TRERF1: variants seen among roughly 807,000 people sequenced by gnomAD.
The protein encoded by TRERF1 is transcriptional regulating factor 1.
A neutral mutation model predicts 122.9 loss-of-function variants in TRERF1; 27 were observed. The observed-to-expected ratio is 0.22, with a 90% CI of 0.16 to 0.30. The LOEUF is 0.30. TRERF1 is among the 10% of genes least tolerant of loss of function. The probability of loss-of-function intolerance (pLI) is 1.00; values close to 1 mark genes in which losing one functional copy is unlikely to be tolerated. For missense variants in TRERF1, 1,248 were observed against 1,560.3 expected (o/e 0.80, Z 3.37); for synonymous variants, 636 against 641.7 (o/e 0.99, Z 0.13).
chr6:42,310,939 C>A (rs963307814), intron 3 of TRERF1, among the ~76,000 whole-genome samples: 2 of 152,126 alleles, frequency 1.3e-5, no homozygotes, highest in African/African-American at 4.8e-5. Context: ...TCCTTTTTGG[C>A]GTTGATGTTT....
At chr6:42,360,999 C>T (rs922366915) in intron 3 of TRERF1, among the ~76,000 whole-genome samples, 1 of 152,040 alleles carries the variant, frequency 6.6e-6, no homozygotes, top group Non-Finnish European at 1.5e-5. Context: ...AAATGGGAAA[C>T]GAGCTTCTAT....
chr6:42,333,574 G>A (rs1243921876), intron 3 of TRERF1, among the ~76,000 whole-genome samples: 2 of 152,238 alleles, frequency 1.3e-5, no homozygotes, highest in Non-Finnish European at 2.9e-5. Context: ...GCTTGGGCTT[G>A]GCCTGAGAAC....
chr6:42,259,768 C>T lies in TRERF1; in HGVS notation c.1885-45G>A, dbSNP rs200341234. The T allele has an allele frequency of 7.5e-6, 12 of 1,597,596 alleles. No individual in the cohort carries two copies. The highest frequency in any genetic ancestry group is 1.3e-5 in the African/African-American group (1 of 74,894). On this transcript the variant is annotated intron_variant, in intron 8 of 17. Coordinates refer to ENST00000372922, the Ensembl canonical transcript of TRERF1. The surrounding 1 kb of genome is among the most constrained non-coding windows in gnomAD (Gnocchi z 4.9). ...CTGATTCGAATACTTCAGCTTCCCC[C>T]GCAGGCCATTTCCACAGGTTCAGGG...
At chr6:42,316,048 G>C (rs1047911401) in intron 3 of TRERF1, among the ~76,000 whole-genome samples, 1 of 152,148 alleles carries the variant, frequency 6.6e-6, no homozygotes, top group African/African-American at 2.4e-5. Flanking sequence ...CTGCTCCACT[G>C]GGGGTGGGGG....
chr6:42,380,106 A>G (rs1424549755), intron 2 of TRERF1, among the ~76,000 whole-genome samples: 1 of 152,028 alleles, frequency 6.6e-6, no homozygotes, highest in Non-Finnish European at 1.5e-5. Flanking sequence ...ACCTGGGGGA[A>G]GATATTCCAG....
intron 3 of TRERF1, among the ~76,000 whole-genome samples, chr6:42,342,115 C>T (rs1285829897): frequency 6.6e-6 from 1 of 152,274 alleles, no homozygotes; most frequent in Non-Finnish European, 1.5e-5. Context: ...CCCCTGAGGG[C>T]AGAGGCCCAT....
chr6:42,311,238 G>C (rs1355420238), intron 3 of TRERF1, among the ~76,000 whole-genome samples: 3 of 152,186 alleles, frequency 2.0e-5, no homozygotes, highest in Non-Finnish European at 4.4e-5. Context: ...AAATAAAGCA[G>C]GGTAAGGGTC....
At chr6:42,317,377 CAG>C (rs1394797810) in intron 3 of TRERF1, among the ~76,000 whole-genome samples, 1 of 151,698 alleles carries the variant, frequency 6.6e-6, no homozygotes, top group South Asian at 2.1e-4. Context: ...TGTTTTGAGA[CAG>C]AGTCTTGCTC....
chr6:42,267,424 T>C (rs1779408021), intron 5 of TRERF1, among the ~76,000 whole-genome samples: 1 of 152,134 alleles, frequency 6.6e-6, no homozygotes, highest in African/African-American at 2.4e-5. Context: ...AGGTCGGAGT[T>C]TGAGACCAGC....
intron 2 of TRERF1, among the ~76,000 whole-genome samples, chr6:42,445,375 C>CAT: frequency 6.6e-6 from 1 of 151,702 alleles, no homozygotes; most frequent in Non-Finnish European, 1.5e-5. Flanking sequence ...CACACACACA[C>CAT]ACACACACAC....
intron 4 of TRERF1, among the ~76,000 whole-genome samples, chr6:42,277,905 G>GGAAGAAGGAA (rs1554141678): frequency 7.3e-4 from 62 of 85,066 alleles, no homozygotes; most frequent in African/African-American, 2.1e-3. Flanking sequence ...GAAGGAAGAA[G>GGAAGAAGGAA]GAAGAAGAAG....
At chr6:42,418,868 T>C (rs887356148) in intron 2 of TRERF1, among the ~76,000 whole-genome samples, 13 of 152,234 alleles carry the variant, frequency 8.5e-5, no homozygotes, top group Admixed American at 2.6e-4. Context: ...ATTACCTTCA[T>C]GTAACCTCTC....
intron 2 of TRERF1, among the ~76,000 whole-genome samples, chr6:42,418,816 A>G (rs1478294037): frequency 6.6e-6 from 1 of 152,204 alleles, no homozygotes; most frequent in Non-Finnish European, 1.5e-5. Flanking sequence ...TAAAGCCAAT[A>G]GTAAATGGAA....
At position 42,246,524 on chromosome 6, in the gene TRERF1, G is replaced by A. The variant is rs765549717; in HGVS notation, c.2677C>T (p.Leu893=). The change falls in exon 14 of 18, where the codon CTA becomes TTA. Residue 893 remains leucine (L), a synonymous_variant. Coordinates refer to ENST00000372922, the Ensembl canonical transcript of TRERF1. ...GCTTTGTTAAACAGTTTTCTTTCTA[G>A]GGAGGTCCACTTGTCCGAACCTACA... 2.5e-6 allele frequency: 4 copies of A among 1,603,774 alleles called. No individual in the cohort carries two copies. The Admixed American group carries it at 6.9e-5, about 28-fold the overall frequency.
chr6:42,416,902 G>GT (rs1008628151), intron 2 of TRERF1, among the ~76,000 whole-genome samples: 9 of 151,484 alleles, frequency 5.9e-5, no homozygotes, highest in Admixed American at 1.3e-4. Flanking sequence ...TTTTGTGTGT[G>GT]TTTTTTTTAA....
intron 4 of TRERF1, among the ~76,000 whole-genome samples, chr6:42,282,698 T>TA (rs1308247895): frequency 6.6e-6 from 1 of 152,234 alleles, no homozygotes; most frequent in African/African-American, 2.4e-5. Flanking sequence ...CTCTTTTGTG[T>TA]AAAAAATGGT....
At chr6:42,243,456 A>G in intron 14 of TRERF1, 95 bp from the exon 15 acceptor site, 1 of 902,448 alleles carries the variant, frequency 1.1e-6, no homozygotes, top group Non-Finnish European at 1.8e-6. Flanking sequence ...ATAGGGTAAT[A>G]AACAAGTTTG....
rs1780732378 is a variant in TRERF1, at chr6:42,409,147, TG to T, written c.-454+42029del. On this transcript the variant is annotated intron_variant, in intron 2 of 17. Transcript: ENST00000372922. ...ACAAAAAATTAGCTGGGCATGGTGG[TG>T]TATGCCTGTAGTCCCAGCTACTCAA... 1.3e-5 allele frequency among the ~76,000 whole-genome samples: 2 copies of T among 151,958 alleles called. 1 individual carries two copies. Among genetic ancestry groups the T allele is most frequent in the South Asian group, 4.2e-4 (2 of 4,818 alleles).
intron 2 of TRERF1, among the ~76,000 whole-genome samples, chr6:42,389,881 T>C (rs1346481811): frequency 1.3e-5 from 2 of 152,258 alleles, no homozygotes; most frequent in Non-Finnish European, 2.9e-5. Flanking sequence ...GCTCTTCAAA[T>C]GAGAAGCTAG....
Sources: allele counts gnomAD v4.1 joint callset (sites outside exome capture counted in the v4.1 genomes callset), GRCh38; gene constraint gnomAD v4.1.1; non-coding constraint Gnocchi (gnomAD v3.1); transcripts MANE v1.5; gene names NCBI Gene and HGNC (gene_info 2026-07-23, HGNC 2026-07-21).